The following IDO2 variants were observed in gnomAD, a reference collection of about 807,000 sequenced individuals.
IDO2 encodes the protein indoleamine 2,3-dioxygenase-like 1 protein.
IDO2 carries 46 observed loss-of-function variants against 45.1 expected under a neutral mutation model. The ratio of observed to expected loss-of-function variants is 1.02; its 90% CI spans 0.80 to 1.30. IDO2 has a LOEUF of 1.30. Among genes scored for constraint, IDO2 ranks in the 50% most tolerant of loss-of-function variants. The pLI is 0.00. For missense variants in IDO2, 544 were observed against 491.8 expected, an observed-to-expected ratio of 1.11 and a Z score of -1.00; for synonymous variants, 218 against 184.9, an observed-to-expected ratio of 1.18 and a Z score of -1.45.
chr8:39,954,725 G>C (rs888647740), intron 2 of IDO2, among the ~76,000 whole-genome samples: 2 of 138,610 alleles, frequency 1.4e-5, no homozygotes, highest in Non-Finnish European at 3.0e-5. Context: ...GTGCAATCTC[G>C]GCTCACTGCA....
chr8:40,013,749 G>A, intron 10 of IDO2, 36 bp downstream of exon 10: 2 of 1,460,010 alleles, frequency 1.4e-6, no homozygotes, highest in East Asian at 2.4e-5. Flanking sequence ...TGAGAGTAGA[G>A]GGAGGAAGAG....
intron 8 of IDO2, 37 bp from the exon 9 acceptor site, chr8:40,005,290 G>A (rs1196713636): frequency 1.3e-6 from 2 of 1,487,754 alleles, no homozygotes; most frequent in East Asian, 4.6e-5. Flanking sequence ...TGCTTTCTTT[G>A]CCTGTAGTAA....
chr8:39,954,828 T>G (rs1428291781), intron 2 of IDO2, among the ~76,000 whole-genome samples: 1 of 151,756 alleles, frequency 6.6e-6, no homozygotes, highest in African/African-American at 2.4e-5. Context: ...GCTAATTTTT[T>G]GTATTTTTAG....
At chr8:39,977,777 G>A (rs1048790368) in intron 3 of IDO2, among the ~76,000 whole-genome samples, 9 of 152,198 alleles carry the variant, frequency 5.9e-5, no homozygotes, top group African/African-American at 2.2e-4. Flanking sequence ...CATTCTAGTT[G>A]TGATTCTGAA....
At chr8:39,987,469 G>A (rs1383175320) in intron 6 of IDO2, 2 of 163,642 alleles carry the variant, frequency 1.2e-5, no homozygotes, top group Non-Finnish European at 2.7e-5. Flanking sequence ...TGGACAAGCT[G>A]CTTTGCTTCT....
intron 4 of IDO2, 41 bp downstream of exon 4, chr8:39,979,227 T>A (rs1263495028): frequency 2.6e-5 from 40 of 1,553,558 alleles, no homozygotes; most frequent in Non-Finnish European, 3.4e-5. Context: ...CCCGGCAGGT[T>A]ACCTGCGCCT....
intron 2 of IDO2, among the ~76,000 whole-genome samples, chr8:39,952,051 T>G (rs1807821796): frequency 6.6e-6 from 1 of 152,234 alleles, no homozygotes; most frequent in African/African-American, 2.4e-5. Context: ...GTTCTCAAAA[T>G]GTACTTCCTT....
At chr8:39,961,025 T>C (rs1394682084) in intron 2 of IDO2, among the ~76,000 whole-genome samples, 1 of 152,232 alleles carries the variant, frequency 6.6e-6, no homozygotes, top group Non-Finnish European at 1.5e-5. Context: ...CCTCGTGATC[T>C]GCCTGCATTG....
At chr8:39,961,320 CTTTTTTTTTT>C (rs57577433) in intron 2 of IDO2, among the ~76,000 whole-genome samples, 1 of 106,116 alleles carries the variant, frequency 9.4e-6, no homozygotes, top group East Asian at 3.0e-4. Context: ...TTGTATACTT[CTTTTTTTTTT>C]TTTTTTTTTG....
At chr8:40,006,638 C>A (rs566383689) in intron 9 of IDO2, among the ~76,000 whole-genome samples, 1 of 89,532 alleles carries the variant, frequency 1.1e-5, no homozygotes, top group East Asian at 2.6e-4. Flanking sequence ...ATAGAGAACT[C>A]TACTATTATT....
intron 2 of IDO2, among the ~76,000 whole-genome samples, chr8:39,951,044 A>G (rs1585397396): frequency 6.6e-6 from 1 of 151,758 alleles, no homozygotes; most frequent in African/African-American, 2.4e-5. Context: ...AAACAAAACA[A>G]AACAAAACAA....
intron 8 of IDO2, among the ~76,000 whole-genome samples, chr8:40,002,963 G>A (rs1442641241): frequency 6.6e-6 from 1 of 151,870 alleles, no homozygotes; most frequent in Non-Finnish European, 1.5e-5. Flanking sequence ...AAAATTCCTG[G>A]GTAAACCACC....
rs78742566 is a variant in IDO2 at position 40,015,964 on chromosome 8, T to C, written c.*362T>C. 1.6e-5 allele frequency: 3 copies of C among 184,068 alleles called. No individual in the cohort carries two copies. In the South Asian group the frequency reaches 1.1e-3, roughly 68 times the overall value. The allele number at this position is 184,068 out of a possible 1,614,324, so 11.4% of individuals were successfully genotyped here. A position where few individuals can be genotyped will look rare whatever the true frequency, so the allele number is the denominator to read the frequency against. ...GGGGATACATTACTTGTTGATTTTC[T>C]TAAAAAACAAATTCACTTAACAATT... On this transcript the variant is annotated 3_prime_UTR_variant, in exon 11 of 11. Transcript: ENST00000502986.
intron 2 of IDO2, among the ~76,000 whole-genome samples, chr8:39,956,718 T>C (rs949292194): frequency 6.6e-6 from 1 of 152,070 alleles, no homozygotes; most frequent in Admixed American, 6.6e-5. Context: ...GTAGGCCCTG[T>C]GTTAACTTTA....
intron 1 of IDO2, among the ~76,000 whole-genome samples, chr8:39,935,816 G>A (rs1807538433): frequency 1.3e-5 from 2 of 152,154 alleles, no homozygotes; most frequent in African/African-American, 4.8e-5. Flanking sequence ...AGTAGTATTG[G>A]CAGATTATGA....
intron 1 of IDO2, among the ~76,000 whole-genome samples, chr8:39,938,890 A>G (rs1479257994): frequency 6.6e-6 from 1 of 152,180 alleles, no homozygotes; most frequent in Non-Finnish European, 1.5e-5. Flanking sequence ...ATACCACTAC[A>G]TTTCTACATT....
intron 3 of IDO2, among the ~76,000 whole-genome samples, chr8:39,964,935 T>G (rs1808062874): frequency 6.6e-6 from 1 of 152,222 alleles, no homozygotes; most frequent in Non-Finnish European, 1.5e-5. Flanking sequence ...TGAGTCCCCT[T>G]TTCCCATCTC....
At chr8:39,994,711 G>A (rs1217183674) in intron 8 of IDO2, among the ~76,000 whole-genome samples, 1 of 117,780 alleles carries the variant, frequency 8.5e-6, no homozygotes, top group Non-Finnish European at 1.9e-5. Context: ...CTGGGAAATT[G>A]TTCCTACCTT....
intron 4 of IDO2, among the ~76,000 whole-genome samples, chr8:39,981,282 G>C (rs1004669213): frequency 1.3e-5 from 2 of 151,866 alleles, no homozygotes; most frequent in African/African-American, 4.8e-5. Flanking sequence ...GGATGGTCTC[G>C]ATCTCTTGAC....
Sources: allele counts gnomAD v4.1 joint callset (sites outside exome capture counted in the v4.1 genomes callset), GRCh38; gene constraint gnomAD v4.1.1; transcripts MANE v1.5; gene names NCBI Gene and HGNC (gene_info 2026-07-23, HGNC 2026-07-21).